SPATS2: variants seen among roughly 807,000 people sequenced by gnomAD.
SPATS2 encodes spermatogenesis associated serine rich 2, also known as spermatogenesis-associated serine-rich protein 2.
SPATS2 carries 38 observed loss-of-function variants against 63.7 expected under a neutral mutation model. The observed-to-expected ratio is 0.60, with a 90% confidence interval of 0.46 to 0.78. The LOEUF (loss-of-function observed/expected upper bound fraction) is 0.78, where lower values mean the gene tolerates loss of function less well. Ranked by LOEUF, SPATS2 falls within the 30% of genes least tolerant of loss-of-function variation. SPATS2 has a pLI of 0.00. For missense variants in SPATS2, 588 were observed against 666.2 expected (o/e 0.88, Z 1.29); for synonymous variants, 207 against 232.9 (o/e 0.89, Z 1.01).
chr12:49,495,270 T>C (rs1411111944), intron 7 of SPATS2, among the ~76,000 whole-genome samples: 1 of 152,164 alleles, frequency 6.6e-6, no homozygotes. Context: ...TTCAGCTCAC[T>C]GCAAGCTCCA....
At chr12:49,408,439 G>T (rs1208941755) in intron 2 of SPATS2, among the ~76,000 whole-genome samples, 1 of 151,730 alleles carries the variant, frequency 6.6e-6, no homozygotes, top group Non-Finnish European at 1.5e-5. Flanking sequence ...TTTTAGTAGA[G>T]ACAGGGTTTT....
At chr12:49,394,038 T>G (rs928246352) in intron 2 of SPATS2, among the ~76,000 whole-genome samples, 6 of 152,142 alleles carry the variant, frequency 3.9e-5, no homozygotes, top group Non-Finnish European at 8.8e-5. Flanking sequence ...TTTTGCATTT[T>G]CATATGGATT....
intron 3 of SPATS2, among the ~76,000 whole-genome samples, chr12:49,480,483 T>G (rs1946187204): frequency 6.6e-6 from 1 of 152,226 alleles, no homozygotes; most frequent in South Asian, 2.1e-4. Flanking sequence ...TTCTTTTTTT[T>G]TAATCAGTCT....
chr12:49,458,195 A>G (rs1592417338), intron 2 of SPATS2, among the ~76,000 whole-genome samples: 1 of 152,186 alleles, frequency 6.6e-6, no homozygotes, highest in Non-Finnish European at 1.5e-5. Context: ...TCAGCCAGGC[A>G]TGGTGGCTCA....
chr12:49,406,717 T>A (rs759352473), intron 2 of SPATS2, among the ~76,000 whole-genome samples: 2 of 152,208 alleles, frequency 1.3e-5, no homozygotes, highest in Non-Finnish European at 2.9e-5. Context: ...ACTAGAACTA[T>A]AACCCTATTA....
chr12:49,508,192 C>T (rs1946684496), intron 9 of SPATS2, among the ~76,000 whole-genome samples: 1 of 151,958 alleles, frequency 6.6e-6, no homozygotes, highest in Non-Finnish European at 1.5e-5. Flanking sequence ...AGCTTTTAGA[C>T]ATTGGTGTCA....
At chr12:49,515,854 A>G (rs1946829317) in intron 10 of SPATS2, among the ~76,000 whole-genome samples, 1 of 151,908 alleles carries the variant, frequency 6.6e-6, no homozygotes, top group African/African-American at 2.4e-5. Context: ...AAAAAATAAG[A>G]AATAAGGCTG....
At chr12:49,409,132 A>G (rs1944750393) in intron 2 of SPATS2, among the ~76,000 whole-genome samples, 1 of 152,186 alleles carries the variant, frequency 6.6e-6, no homozygotes, top group Non-Finnish European at 1.5e-5. Context: ...AGGCAGCATC[A>G]TAGAATCAAA....
At chr12:49,448,518 T>G (rs1365484840) in intron 2 of SPATS2, among the ~76,000 whole-genome samples, 1 of 152,080 alleles carries the variant, frequency 6.6e-6, no homozygotes, top group African/African-American at 2.4e-5. Flanking sequence ...CATGAGTTGT[T>G]TAAAACTATG....
At chr12:49,483,616 A>G (rs1231114129) in intron 3 of SPATS2, among the ~76,000 whole-genome samples, 2 of 152,258 alleles carry the variant, frequency 1.3e-5, no homozygotes. Context: ...TAATTGAAAC[A>G]TATCTGTAAT....
intron 4 of SPATS2, among the ~76,000 whole-genome samples, chr12:49,486,778 CAA>C (rs555485566): frequency 5.1e-4 from 49 of 96,668 alleles, no homozygotes; most frequent in Admixed American, 8.1e-4. Flanking sequence ...GAGACTCCGT[CAA>C]AAAAAAAAAA....
chr12:49,505,361 T>G (rs1946639648), intron 9 of SPATS2, among the ~76,000 whole-genome samples: 1 of 152,122 alleles, frequency 6.6e-6, no homozygotes, highest in Non-Finnish European at 1.5e-5. Context: ...GTTCTTGATA[T>G]TTTTTTATTT....
intron 2 of SPATS2, among the ~76,000 whole-genome samples, chr12:49,447,446 C>T (rs1945533399): frequency 6.6e-6 from 1 of 151,078 alleles, no homozygotes; most frequent in African/African-American, 2.4e-5. Flanking sequence ...ACCATGTGAG[C>T]CAGGATGGTC....
chr12:49,409,464 C>A (rs1944757008), intron 2 of SPATS2, among the ~76,000 whole-genome samples: 1 of 151,632 alleles, frequency 6.6e-6, no homozygotes, highest in Non-Finnish European at 1.5e-5. Context: ...CACCACCATG[C>A]CCGGCTAATT....
chr12:49,526,251 CTTGAGAGAAAATCCAG>C lies in SPATS2; in HGVS notation c.1638_*15del. On this transcript the variant is annotated stop_lost and 3_prime_UTR_variant, in exon 14 of 14. Coordinates refer to ENST00000552918, the MANE Select transcript of SPATS2 (RefSeq NM_023071.4). Reference sequence around the variant, plus strand: ...ACCTCTCAGACTGAAGCCGTGAACTCTTGAGAGAAAATCCAGTTGGCCTCTCTCCTCTATCCACACA... The same window carrying C: ...ACCTCTCAGACTGAAGCCGTGAACTCTTGGCCTCTCTCCTCTATCCACACA... 1 of 1,601,492 alleles carries C rather than the reference CTTGAGAGAAAATCCAG, an allele frequency of 6.2e-7. No individual in the cohort carries two copies. The highest frequency in any genetic ancestry group is 1.3e-5 in the African/African-American group (1 of 74,330).
At chr12:49,366,898 G>C (rs1019590778), upstream of SPATS2, 1 of 151,866 alleles carries the variant, frequency 6.6e-6, no homozygotes. Flanking sequence ...GCGCGCGCCG[G>C]GTCCCTAACC....
intron 2 of SPATS2, among the ~76,000 whole-genome samples, chr12:49,433,200 TCA>T (rs999661148): frequency 2.0e-5 from 3 of 152,238 alleles, no homozygotes; most frequent in African/African-American, 7.2e-5. Context: ...AGTCTCTCTG[TCA>T]CACAGGCTGG....
chr12:49,376,714 T>A (rs1944111195), intron 2 of SPATS2, among the ~76,000 whole-genome samples: 1 of 131,896 alleles, frequency 7.6e-6, no homozygotes, highest in Non-Finnish European at 1.6e-5. Flanking sequence ...TGTTGATTTT[T>A]TTTTTTTTTT....
intron 1 of SPATS2, 57 bp from the exon 2 acceptor site, chr12:49,371,171 A>G (rs1252855722): frequency 3.3e-5 from 5 of 152,246 alleles, no homozygotes; most frequent in African/African-American, 1.2e-4. Context: ...TTATTTTCCC[A>G]GACTGAAGCT....
Sources: gnomAD v4.1 joint callset for allele counts (sites outside exome capture counted in the v4.1 genomes callset) on GRCh38, gnomAD v4.1.1 for gene constraint, MANE v1.5 for transcripts, NCBI Gene and HGNC (gene_info 2026-07-23, HGNC 2026-07-21) for gene names.